PDE4D: variants seen among roughly 807,000 people sequenced by gnomAD.
PDE4D encodes 3',5'-cyclic-AMP phosphodiesterase 4D.
In PDE4D, 24 loss-of-function variants were observed where a neutral mutation model predicts 87.4. That is an observed-to-expected ratio of 0.27 (90% confidence interval 0.20 to 0.39). PDE4D has a LOEUF of 0.39. Ranked by LOEUF, PDE4D falls within the 10% of genes least tolerant of loss-of-function variation. The pLI is 1.00. For synonymous variants in PDE4D, 384 were observed against 383.2 expected (o/e 1.00, Z -0.02); for missense variants, 714 against 1,041.0 (o/e 0.69, Z 4.32).
chr5:59,358,581 T>A (rs1214805230), intron 1 of PDE4D, among the ~76,000 whole-genome samples: 6 of 152,134 alleles, frequency 3.9e-5, no homozygotes, highest in Middle Eastern at 3.2e-3. Context: ...AATGCACACA[T>A]TCCTGGCAGA....
intron 1 of PDE4D, among the ~76,000 whole-genome samples, chr5:59,847,029 T>C (rs73761008): frequency 0.01 from 1,544 of 152,110 alleles, 31 homozygotes; most frequent in African/African-American, 0.035. Flanking sequence ...GCAGAGCCTA[T>C]TTCGTTGACA....
intron 1 of PDE4D, among the ~76,000 whole-genome samples, chr5:60,443,341 A>C (rs1745391138): frequency 6.6e-6 from 1 of 152,174 alleles, no homozygotes; most frequent in Non-Finnish European, 1.5e-5. Context: ...AAGTCAAGCA[A>C]AATTTTTGTT....
At chr5:59,709,070 C>T (rs1393566686) in intron 1 of PDE4D, among the ~76,000 whole-genome samples, 1 of 151,912 alleles carries the variant, frequency 6.6e-6, no homozygotes, top group East Asian at 1.9e-4. Flanking sequence ...CTTCTTCTAC[C>T]CACTCAACTA....
chr5:59,492,117 G>C (rs2153660642), intron 1 of PDE4D, among the ~76,000 whole-genome samples: 1 of 152,218 alleles, frequency 6.6e-6, no homozygotes, highest in Non-Finnish European at 1.5e-5. Context: ...CTCCAAGTCT[G>C]TTTTCTAGAG....
rs183866362 is a variant in PDE4D, at chr5:60,155,100, T to A, written c.42+30457A>T. Among the ~76,000 whole-genome samples the A allele has an allele frequency of 2.1e-3, 324 of 152,310 alleles. 4 individuals carry two copies. The highest frequency in any genetic ancestry group is 7.5e-3 in the African/African-American group (313 of 41,570). On this transcript the variant is annotated intron_variant, in intron 2 of 16. Transcript: ENST00000502484. ...ATGAAAAGTTGCATGCAATTCTGTTTGAGATACATCTAGGACTAGAATTAC... is the reference window on the plus strand; with the variant it reads ...ATGAAAAGTTGCATGCAATTCTGTTAGAGATACATCTAGGACTAGAATTAC...
rs577741023 is a variant in PDE4D, at chr5:59,337,449, C to T, written c.456-121481G>A. Among the ~76,000 whole-genome samples, 4 of 151,192 alleles carry T rather than the reference C, an allele frequency of 2.6e-5. No individual in the cohort carries two copies. In the South Asian group the frequency reaches 6.3e-4, roughly 24 times the overall value. On this transcript the variant is annotated intron_variant, in intron 1 of 14. Transcript: ENST00000340635. ...CGGGGTTCACGCCATTCTCCTGCGT[C>T]AGCCTAAGTTCCCCTTTTTAATAAT... is the stretch of plus-strand genomic sequence containing the variant.
At chr5:59,426,953 C>A (rs947638103) in intron 1 of PDE4D, among the ~76,000 whole-genome samples, 1 of 151,478 alleles carries the variant, frequency 6.6e-6, no homozygotes, top group African/African-American at 2.4e-5. Flanking sequence ...CCCTCTGCCA[C>A]CTCCCACAGT....
intron 1 of PDE4D, among the ~76,000 whole-genome samples, chr5:59,681,900 C>CAAAA (rs11266968): frequency 6.2e-5 from 6 of 96,426 alleles, no homozygotes; most frequent in East Asian, 2.9e-4. Flanking sequence ...GACTCTGTCT[C>CAAAA]AAAAAAAAAA....
intron 2 of PDE4D, among the ~76,000 whole-genome samples, chr5:60,009,186 T>A (rs570200135): frequency 5.9e-5 from 9 of 152,158 alleles, no homozygotes; most frequent in African/African-American, 2.2e-4. Context: ...TTATCAAACG[T>A]TGAAATTCAG....
At chr5:59,260,348 AC>A (rs1162657888) in intron 1 of PDE4D, among the ~76,000 whole-genome samples, 6 of 152,028 alleles carry the variant, frequency 3.9e-5, no homozygotes, top group African/African-American at 1.4e-4. Flanking sequence ...TTAGGATGCA[AC>A]TGAGTGAAGA....
At chr5:59,017,301 A>C (rs1754213873) in intron 6 of PDE4D, among the ~76,000 whole-genome samples, 1 of 152,216 alleles carries the variant, frequency 6.6e-6, no homozygotes, top group African/African-American at 2.4e-5. Context: ...AAAACTGACA[A>C]GACTTGAAGA....
chr5:59,608,191 A>G (rs946431197), intron 1 of PDE4D, among the ~76,000 whole-genome samples: 7 of 152,148 alleles, frequency 4.6e-5, no homozygotes, highest in African/African-American at 1.7e-4. Context: ...TAATCCGAAA[A>G]GAACCCTGGT....
At chr5:59,696,761 C>G (rs1751839525) in intron 1 of PDE4D, among the ~76,000 whole-genome samples, 2 of 152,096 alleles carry the variant, frequency 1.3e-5, no homozygotes, top group Admixed American at 1.3e-4. Context: ...CATGTTTTGT[C>G]ACTTGTATTA....
chr5:60,053,637 A>G (rs1028494061), intron 2 of PDE4D, among the ~76,000 whole-genome samples: 1 of 152,210 alleles, frequency 6.6e-6, no homozygotes, highest in African/African-American at 2.4e-5. Flanking sequence ...CTGGCCAAAG[A>G]CTTCATGACT....
At chr5:59,388,045 T>C (rs910776862) in intron 1 of PDE4D, among the ~76,000 whole-genome samples, 53 of 152,112 alleles carry the variant, frequency 3.5e-4, no homozygotes, top group Non-Finnish European at 4.7e-4. Flanking sequence ...CATGTGGTGG[T>C]TGTCATTCTG....
At chr5:60,085,556 G>A (rs1774434136) in intron 2 of PDE4D, among the ~76,000 whole-genome samples, 2 of 152,172 alleles carry the variant, frequency 1.3e-5, no homozygotes, top group South Asian at 2.1e-4. Context: ...TCTATGGGAG[G>A]TTGTGCCTCC....
intron 2 of PDE4D, among the ~76,000 whole-genome samples, chr5:60,026,907 C>G (rs1766687555): frequency 6.6e-6 from 1 of 152,140 alleles, no homozygotes; most frequent in Admixed American, 6.5e-5. Flanking sequence ...TAATGAGCTT[C>G]TCACACCTAA....
At chr5:59,479,218 T>C (rs1429072017) in intron 1 of PDE4D, among the ~76,000 whole-genome samples, 1 of 152,042 alleles carries the variant, frequency 6.6e-6, no homozygotes, top group Non-Finnish European at 1.5e-5. Context: ...TCTAAATCAC[T>C]TGGCCTAGAG....
chr5:59,465,236 T>C (rs1269782224), intron 1 of PDE4D, among the ~76,000 whole-genome samples: 1 of 152,162 alleles, frequency 6.6e-6, no homozygotes, highest in Admixed American at 6.6e-5. Context: ...ACATCAGGAC[T>C]TTGCACATGC....
Sources: allele counts gnomAD v4.1 joint callset (sites outside exome capture counted in the v4.1 genomes callset), GRCh38; gene constraint gnomAD v4.1.1; transcripts MANE v1.5; gene names NCBI Gene and HGNC (gene_info 2026-07-23, HGNC 2026-07-21).